The following MAN1A1 variants were observed in gnomAD, a reference collection of about 807,000 sequenced individuals.
MAN1A1 encodes the protein mannosidase alpha class 1A member 1, also known as mannosyl-oligosaccharide 1,2-alpha-mannosidase IA.
Under a neutral mutation model 70.8 loss-of-function variants are expected in MAN1A1, and 29 were observed. That is an observed-to-expected ratio of 0.41 (90% CI 0.31 to 0.56). The LOEUF (loss-of-function observed/expected upper bound fraction) is 0.56. MAN1A1 is among the 20% of genes least tolerant of loss of function. The probability of loss-of-function intolerance (pLI) is 0.29; values close to 1 mark genes in which losing one functional copy is unlikely to be tolerated. For synonymous variants in MAN1A1, 349 were observed against 330.1 expected (o/e 1.06, Z -0.62); for missense variants, 747 against 841.3 (o/e 0.89, Z 1.39).
chr6:119,324,410 T>C (rs1773094608), intron 2 of MAN1A1, among the ~76,000 whole-genome samples: 1 of 152,030 alleles, frequency 6.6e-6, no homozygotes, highest in South Asian at 2.1e-4. Flanking sequence ...GTAGTTAAGT[T>C]TGGGGGGGAA....
intron 6 of MAN1A1, among the ~76,000 whole-genome samples, chr6:119,244,841 G>C (rs1775128328): frequency 6.6e-6 from 1 of 152,114 alleles, no homozygotes; most frequent in South Asian, 2.1e-4. Context: ...AGTCCCCTGA[G>C]GGAAAGAACA....
intron 6 of MAN1A1, among the ~76,000 whole-genome samples, chr6:119,225,422 A>AAGGAGGAGG (rs1774484643): frequency 2.8e-5 from 1 of 35,454 alleles, no homozygotes; most frequent in Admixed American, 1.8e-4. Context: ...AGAGAAAGAG[A>AAGGAGGAGG]AGGAGGAGGA....
intron 5 of MAN1A1, among the ~76,000 whole-genome samples, chr6:119,290,280 T>C (rs753330920): frequency 5.9e-5 from 9 of 152,076 alleles, no homozygotes; most frequent in Non-Finnish European, 1.3e-4. Context: ...TTTTATATCT[T>C]ACTTGCCAGG....
At chr6:119,329,660 C>T (rs929444565) in intron 2 of MAN1A1, among the ~76,000 whole-genome samples, 1 of 152,162 alleles carries the variant, frequency 6.6e-6, no homozygotes, top group South Asian at 2.1e-4. Context: ...GGCCAGCTGC[C>T]GGCTCCAACT....
intron 5 of MAN1A1, among the ~76,000 whole-genome samples, chr6:119,258,170 G>C (rs1281868067): frequency 6.6e-6 from 1 of 152,084 alleles, no homozygotes; most frequent in Non-Finnish European, 1.5e-5. Flanking sequence ...TAAAATTGGG[G>C]ATGTTCTATT....
intron 2 of MAN1A1, among the ~76,000 whole-genome samples, chr6:119,335,053 T>C (rs1773417515): frequency 6.6e-6 from 1 of 152,150 alleles, no homozygotes; most frequent in African/African-American, 2.4e-5. Context: ...TAATAACAAT[T>C]CTAACAAGGC....
chr6:119,201,303 T>G lies in MAN1A1; in HGVS notation c.1161A>C (p.Gln387His). The G allele has an allele frequency of 1.2e-6, 2 of 1,613,722 alleles. No individual in the cohort carries two copies. Among genetic ancestry groups the G allele is most frequent in the Non-Finnish European group, 8.5e-7 (1 of 1,179,626 alleles). The stretch of plus-strand genomic sequence containing the variant: ...GATTCAGATAGTTAGGATAAAGGCC[T>G]TGTGGTTTTTCCAGTTTGTTCAGTA... ...RTVLNKLEKPQGLYPNYLNPS... is the reference protein window; with the variant it reads ...RTVLNKLEKPHGLYPNYLNPS... Residue 387 changes from glutamine to histidine, a missense_variant, in exon 8 of 13, where the codon CAA (glutamine) becomes CAC (histidine). Physicochemically the swap from Gln to His is conservative, Grantham distance 24 (BLOSUM62 0). Coordinates refer to ENST00000368468, the MANE Select transcript of MAN1A1 (RefSeq NM_005907.4).
intron 4 of MAN1A1, among the ~76,000 whole-genome samples, chr6:119,295,094 T>G (rs1347344062): frequency 6.6e-6 from 1 of 152,072 alleles, no homozygotes; most frequent in African/African-American, 2.4e-5. Flanking sequence ...TCATGCTCCA[T>G]CTCTCTGCAA....
chr6:119,241,551 G>A (rs1236443477), intron 6 of MAN1A1, among the ~76,000 whole-genome samples: 1 of 152,200 alleles, frequency 6.6e-6, no homozygotes, highest in African/African-American at 2.4e-5. Flanking sequence ...ATCCAGCAAT[G>A]TTATGTTTTA....
At position 119,179,839 on chromosome 6, in the gene MAN1A1, C is replaced by G. The variant is rs150485975; in HGVS notation, c.1942G>C (p.Val648Leu). Residue 648 changes from valine (V) to leucine (L), a missense_variant, in exon 13 of 13, where the codon GTT (valine) becomes CTT (leucine). This residue lies in a region of MAN1A1 where 419 missense variants were observed against 548.2 expected (regional missense o/e 0.76). Transcript: ENST00000368468. ...TCTTTTTATTCCTCTCTGATTTCAA[C>G]TTCCTTTTTATCTTTAGGGAGGATA... ...LPILPKDKKE[V>L]EIREE is the part of the protein sequence containing the mutation. 116 of 1,612,690 alleles carry G rather than the reference C, an allele frequency of 7.2e-5. No individual in the cohort carries two copies. In the African/African-American group the frequency reaches 1.0e-3, roughly 14 times the overall value.
At chr6:119,330,667 G>C (rs929688604) in intron 2 of MAN1A1, among the ~76,000 whole-genome samples, 2 of 152,098 alleles carry the variant, frequency 1.3e-5, no homozygotes, top group Non-Finnish European at 2.9e-5. Flanking sequence ...CGCCTTCTCT[G>C]CTTCATTTCT....
At chr6:119,229,590 T>C in intron 6 of MAN1A1, among the ~76,000 whole-genome samples, 1 of 152,234 alleles carries the variant, frequency 6.6e-6, no homozygotes, top group Non-Finnish European at 1.5e-5. Flanking sequence ...CATTTTTGAC[T>C]GAAAATCAAT....
chr6:119,209,019 T>C (rs1215664702), intron 6 of MAN1A1, among the ~76,000 whole-genome samples: 1 of 135,216 alleles, frequency 7.4e-6, no homozygotes, highest in Non-Finnish European at 1.5e-5. Context: ...CACTTGAGCC[T>C]GGGAGGTGGA....
intron 11 of MAN1A1, among the ~76,000 whole-genome samples, chr6:119,186,593 G>A (rs990631786): frequency 2.0e-5 from 3 of 152,178 alleles, no homozygotes; most frequent in Non-Finnish European, 4.4e-5. Context: ...TTGGTTGACA[G>A]CCATTAACTC....
intron 5 of MAN1A1, among the ~76,000 whole-genome samples, chr6:119,271,021 T>C (rs1240933591): frequency 3.9e-5 from 6 of 152,212 alleles, no homozygotes; most frequent in Non-Finnish European, 7.3e-5. Flanking sequence ...ACACAATATT[T>C]TTCCAGGGGA....
chr6:119,265,726 C>T (rs1479455821), intron 5 of MAN1A1, among the ~76,000 whole-genome samples: 4 of 151,984 alleles, frequency 2.6e-5, no homozygotes, highest in Non-Finnish European at 5.9e-5. Flanking sequence ...AAGAACAAGG[C>T]AGGGATGTCC....
At chr6:119,250,309 C>G (rs1191241090) in intron 5 of MAN1A1, among the ~76,000 whole-genome samples, 1 of 152,274 alleles carries the variant, frequency 6.6e-6, no homozygotes, top group East Asian at 1.9e-4. Flanking sequence ...TGGATATAAC[C>G]ATATGGCACA....
chr6:119,324,673 C>A (rs1228292751), intron 2 of MAN1A1, among the ~76,000 whole-genome samples: 2 of 152,194 alleles, frequency 1.3e-5, no homozygotes, highest in African/African-American at 4.8e-5. Flanking sequence ...TTATTTTCTA[C>A]TTTTCACTTT....
intron 10 of MAN1A1, among the ~76,000 whole-genome samples, chr6:119,189,355 G>A (rs1472447140): frequency 6.6e-6 from 1 of 152,146 alleles, no homozygotes; most frequent in East Asian, 1.9e-4. Flanking sequence ...TTAATAAAAT[G>A]CTAAGTTTCT....
Sources: gnomAD v4.1 joint callset for allele counts (sites outside exome capture counted in the v4.1 genomes callset) on GRCh38, gnomAD v4.1.1 for gene constraint, gnomAD v4.1.1 regional missense constraint, MANE v1.5 for transcripts, NCBI Gene and HGNC (gene_info 2026-07-23, HGNC 2026-07-21) for gene names.